The following PDE7A variants were observed in gnomAD, a reference collection of about 807,000 sequenced individuals.
PDE7A encodes the protein phosphodiesterase 7A.
PDE7A carries 39 observed loss-of-function variants against 64.3 expected under a neutral mutation model. The ratio of observed to expected loss-of-function variants is 0.61; its 90% CI spans 0.47 to 0.79. The LOEUF is 0.79. Ranked by LOEUF, PDE7A falls within the 30% of genes least tolerant of loss-of-function variation. The pLI, the probability that PDE7A is intolerant of heterozygous loss-of-function variation, is 0.00. For synonymous variants in PDE7A, 203 were observed against 206.8 expected, an observed-to-expected ratio of 0.98 and a Z score of 0.16; for missense variants, 470 against 582.8, an observed-to-expected ratio of 0.81 and a Z score of 1.99.
chr8:65,772,919 A>T (rs1200474512), intron 3 of PDE7A, among the ~76,000 whole-genome samples: 1 of 152,164 alleles, frequency 6.6e-6, no homozygotes, highest in Non-Finnish European at 1.5e-5. Flanking sequence ...GAGGTGGGAG[A>T]ATCACTTGAA....
intron 6 of PDE7A, among the ~76,000 whole-genome samples, chr8:65,735,388 A>G (rs893627803): frequency 6.6e-6 from 1 of 151,836 alleles, no homozygotes; most frequent in African/African-American, 2.4e-5. Flanking sequence ...GGCTCATTGC[A>G]GCCCTGACCT....
intron 3 of PDE7A, among the ~76,000 whole-genome samples, chr8:65,779,381 A>G (rs947681764): frequency 6.6e-6 from 1 of 152,232 alleles, no homozygotes; most frequent in Non-Finnish European, 1.5e-5. Context: ...CCTTTATAAA[A>G]TATCATTTGC....
At chr8:65,794,988 T>TG (rs1464284628) in intron 1 of PDE7A, among the ~76,000 whole-genome samples, 1 of 152,184 alleles carries the variant, frequency 6.6e-6, no homozygotes, top group Non-Finnish European at 1.5e-5. Context: ...GTACAGGCAG[T>TG]GGGGAAAAGA....
At chr8:65,749,617 G>A (rs1376180179) in intron 3 of PDE7A, among the ~76,000 whole-genome samples, 1 of 152,184 alleles carries the variant, frequency 6.6e-6, no homozygotes, top group Non-Finnish European at 1.5e-5. Flanking sequence ...AATGTTCCAA[G>A]TGCTTTGTAA....
chr8:65,749,569 GTTTGAAGAAA>G (rs1807840428), intron 3 of PDE7A, among the ~76,000 whole-genome samples: 1 of 152,314 alleles, frequency 6.6e-6, no homozygotes, highest in African/African-American at 2.4e-5. Flanking sequence ...GAATTGGTCT[GTTTGAAGAAA>G]TTTGGGTAGA....
At chr8:65,803,782 G>A (rs1810049724) in intron 1 of PDE7A, among the ~76,000 whole-genome samples, 1 of 152,068 alleles carries the variant, frequency 6.6e-6, no homozygotes, top group African/African-American at 2.4e-5. Flanking sequence ...GAGTTTTTAA[G>A]TTTACTTTCT....
At position 65,739,569 on chromosome 8, in the gene PDE7A, A is replaced by G. The variant is rs1807313141; in HGVS notation, c.528T>C (p.His176=). 8.3e-6 allele frequency: 13 copies of G among 1,557,582 alleles called. No homozygotes were observed. In the East Asian group the frequency reaches 3.1e-4, roughly 37 times the overall value. The change falls in exon 6 of 13, where the codon CAT becomes CAC. Residue 176 remains histidine, a synonymous_variant. Transcript: ENST00000401827. ...NGNSLVSLTF[H]LFSLHGLIEY... ...CAATTAATCCATGAAGACTAAATAA[A>G]TGAAAGGTTAAGCTTACTAGACTAT...
At chr8:65,788,872 G>A in intron 1 of PDE7A, 1 of 1,567,896 alleles carries the variant, frequency 6.4e-7, no homozygotes, top group Non-Finnish European at 8.8e-7. Context: ...TAAAAATAAA[G>A]ATGGCCTACC....
chr8:65,721,409 C>T (rs1318916131), intron 12 of PDE7A, among the ~76,000 whole-genome samples: 4 of 152,042 alleles, frequency 2.6e-5, no homozygotes, highest in Non-Finnish European at 2.9e-5. Flanking sequence ...ATTTGATGTC[C>T]GAAAGACCTG....
chr8:65,748,105 TTTTAAC>T (rs1807770035), intron 3 of PDE7A, among the ~76,000 whole-genome samples: 1 of 151,982 alleles, frequency 6.6e-6, no homozygotes, highest in African/African-American at 2.4e-5. Context: ...TTGTTTTTTT[TTTTAAC>T]TTTAAAATAC....
chr8:65,749,647 T>A (rs908492846), intron 3 of PDE7A, among the ~76,000 whole-genome samples: 4 of 152,240 alleles, frequency 2.6e-5, no homozygotes, highest in African/African-American at 7.2e-5. Flanking sequence ...CATTTAGCCA[T>A]CAACAGCTTC....
chr8:65,822,945 C>CTATA (rs769605812), intron 1 of PDE7A, among the ~76,000 whole-genome samples: 2 of 146,712 alleles, frequency 1.4e-5, no homozygotes, highest in Admixed American at 6.7e-5. Context: ...TTAACTTTAT[C>CTATA]TATCTATCTA....
chr8:65,755,232 G>C (rs151228511), intron 3 of PDE7A, among the ~76,000 whole-genome samples: 546 of 151,924 alleles, frequency 3.6e-3, no homozygotes, highest in Non-Finnish European at 6.6e-3. Context: ...AGTTGGCCCA[G>C]CTGGTCTTGA....
At chr8:65,832,763 A>G (rs971855239) in intron 1 of PDE7A, among the ~76,000 whole-genome samples, 8 of 152,202 alleles carry the variant, frequency 5.3e-5, no homozygotes, top group African/African-American at 1.9e-4. Flanking sequence ...TTGGGATTAC[A>G]GGCATGAACC....
At chr8:65,828,690 A>C (rs766492499) in intron 1 of PDE7A, among the ~76,000 whole-genome samples, 9 of 152,054 alleles carry the variant, frequency 5.9e-5, no homozygotes, top group Non-Finnish European at 1.2e-4. Flanking sequence ...GGTTGACTCA[A>C]ATGATACTCC....
At chr8:65,767,615 G>A (rs994554244) in intron 3 of PDE7A, among the ~76,000 whole-genome samples, 3 of 152,116 alleles carry the variant, frequency 2.0e-5, no homozygotes, top group Non-Finnish European at 2.9e-5. Flanking sequence ...CATACCCTGG[G>A]GGAATCTGGG....
intron 1 of PDE7A, among the ~76,000 whole-genome samples, chr8:65,810,406 T>C (rs2128929686): frequency 6.6e-6 from 1 of 152,064 alleles, no homozygotes; most frequent in Admixed American, 6.5e-5. Context: ...AAATGATGAG[T>C]TAATGGGTGC....
At chr8:65,745,823 C>A (rs976706303) in intron 4 of PDE7A, among the ~76,000 whole-genome samples, 4 of 152,186 alleles carry the variant, frequency 2.6e-5, no homozygotes, top group Non-Finnish European at 5.9e-5. Context: ...AAATTGCAAA[C>A]AATCTAATAA....
At chr8:65,755,408 T>A (rs1045336879) in intron 3 of PDE7A, among the ~76,000 whole-genome samples, 1 of 152,224 alleles carries the variant, frequency 6.6e-6, no homozygotes, top group Admixed American at 6.5e-5. Context: ...GTTTTGTGTA[T>A]TTTTAAATTT....
Sources: gnomAD v4.1 joint callset for allele counts (sites outside exome capture counted in the v4.1 genomes callset) on GRCh38, gnomAD v4.1.1 for gene constraint, MANE v1.5 for transcripts, NCBI Gene and HGNC (gene_info 2026-07-23, HGNC 2026-07-21) for gene names.